The following EMC2 variants were observed in gnomAD, a reference collection of about 807,000 sequenced individuals.
EMC2 encodes the protein ER membrane protein complex subunit 2.
A neutral mutation model predicts 51.6 loss-of-function variants in EMC2; 37 were observed. The observed-to-expected ratio is 0.72, with a 90% confidence interval of 0.55 to 0.94. The LOEUF (loss-of-function observed/expected upper bound fraction) is 0.94. EMC2 is among the 40% of genes least tolerant of loss of function. The pLI is 0.00. For synonymous variants in EMC2, 131 were observed against 112.4 expected, an observed-to-expected ratio of 1.17 and a Z score of -1.04; for missense variants, 359 against 350.9, an observed-to-expected ratio of 1.02 and a Z score of -0.18.
chr8:108,469,986 A>AT (rs1810820593), intron 6 of EMC2, 75 bp downstream of exon 6: 1 of 1,541,658 alleles, frequency 6.5e-7, no homozygotes. Context: ...TTTGCATTTG[A>AT]TTTTCCTGTT....
intron 9 of EMC2, among the ~76,000 whole-genome samples, chr8:108,477,596 A>G (rs1810969629): frequency 6.6e-6 from 1 of 152,046 alleles, no homozygotes; most frequent in Admixed American, 6.6e-5. Context: ...AGAAATGGAA[A>G]TAGGAAGAAA....
At chr8:108,476,041 C>A in intron 8 of EMC2, 78 bp downstream of exon 8, 1 of 749,566 alleles carries the variant, frequency 1.3e-6, no homozygotes, top group South Asian at 1.8e-5. Context: ...AGAATATTTC[C>A]TTGATGTTAA....
chr8:108,452,938 C>T, intron 3 of EMC2, 124 bp from the exon 4 acceptor site: 1 of 466,140 alleles, frequency 2.1e-6, no homozygotes, highest in Non-Finnish European at 3.9e-6. Context: ...ATTAATTTCA[C>T]TTCATGTTAT....
At chr8:108,455,960 C>G in intron 5 of EMC2, 30 bp downstream of exon 5, 1 of 1,087,280 alleles carries the variant, frequency 9.2e-7, no homozygotes, top group South Asian at 1.8e-5. Flanking sequence ...TGAAAAAAAT[C>G]TAAAGTTTAA....
intron 10 of EMC2, among the ~76,000 whole-genome samples, chr8:108,485,954 C>T (rs1811130115): frequency 1.3e-5 from 2 of 151,700 alleles, no homozygotes; most frequent in Admixed American, 1.3e-4. Context: ...TTTTACTTGA[C>T]AGCTCTTTGC....
chr8:108,455,853 T>C lies in EMC2; in HGVS notation c.306-20T>C, dbSNP rs751622384. The C allele has an allele frequency of 3.2e-6, 3 of 925,590 alleles. No individual in the cohort carries two copies. In the African/African-American group the frequency reaches 5.2e-5, roughly 16 times the overall value. 57.3% of individuals were successfully genotyped at this position (925,590 alleles called of 1,614,324 possible). A position where few individuals can be genotyped will look rare whatever the true frequency, so the allele number is the denominator to read the frequency against. On this transcript the variant is annotated intron_variant, in intron 4 of 10. Transcript: ENST00000220853. ...TTTTTAAGGTAATAATTGTAGATGTTTCTTTTTCTTTTTAAATAGATATGA... is the reference window on the plus strand; with the variant it reads ...TTTTTAAGGTAATAATTGTAGATGTCTCTTTTTCTTTTTAAATAGATATGA...
Position 108,488,151 on chromosome 8 carries a change from T to A in EMC2, c.*1553T>A, listed in dbSNP as rs2130429796. Among the ~76,000 whole-genome samples the A allele has an allele frequency of 6.7e-6, 1 of 148,950 alleles. No individual in the cohort carries two copies. Among genetic ancestry groups the A allele is most frequent in the African/African-American group, 2.5e-5 (1 of 40,360 alleles). On this transcript the variant is annotated 3_prime_UTR_variant, in exon 11 of 11. Transcript: ENST00000220853. ...AGTAATTCAGTGCCTCTTATAGCTG[T>A]CTGCCTTAGTTTCACTTTTTTTTTT...
At chr8:108,462,028 T>C (rs796546130) in intron 5 of EMC2, among the ~76,000 whole-genome samples, 7 of 152,262 alleles carry the variant, frequency 4.6e-5, no homozygotes, top group African/African-American at 1.7e-4. Flanking sequence ...AGGATGGTCT[T>C]GATCTCTTGA....
chr8:108,465,555 G>A (rs757899424), intron 5 of EMC2, among the ~76,000 whole-genome samples: 1 of 152,164 alleles, frequency 6.6e-6, no homozygotes, highest in Non-Finnish European at 1.5e-5. Context: ...ATTTACTTTT[G>A]AATAATGGAG....
intron 4 of EMC2, among the ~76,000 whole-genome samples, chr8:108,454,822 A>G (rs988033863): frequency 1.3e-5 from 2 of 152,054 alleles, no homozygotes; most frequent in Admixed American, 1.3e-4. Context: ...TCTCTGTCAC[A>G]TTTAATGGGC....
intron 10 of EMC2, among the ~76,000 whole-genome samples, chr8:108,483,391 C>T (rs1323629685): frequency 1.3e-5 from 2 of 152,164 alleles, no homozygotes; most frequent in Admixed American, 1.3e-4. Flanking sequence ...TGCAGTCAAC[C>T]TCATCCCCCA....
chr8:108,486,252 G>C (rs1811135825), intron 10 of EMC2, among the ~76,000 whole-genome samples: 1 of 151,652 alleles, frequency 6.6e-6, no homozygotes, highest in Non-Finnish European at 1.5e-5. Flanking sequence ...TGATTTTATG[G>C]GTTATTATAT....
intron 5 of EMC2, among the ~76,000 whole-genome samples, chr8:108,469,466 A>T (rs1810807126): frequency 6.6e-6 from 1 of 152,128 alleles, no homozygotes; most frequent in Non-Finnish European, 1.5e-5. Flanking sequence ...CCTAATCTCC[A>T]CTGTTCCTCC....
intron 1 of EMC2, among the ~76,000 whole-genome samples, chr8:108,445,867 A>G (rs961236328): frequency 4.6e-5 from 7 of 152,220 alleles, no homozygotes; most frequent in African/African-American, 1.7e-4. Flanking sequence ...GTCAGAAAAG[A>G]TTATAAGCCA....
chr8:108,461,841 T>A (rs978165357), intron 5 of EMC2, among the ~76,000 whole-genome samples: 19 of 152,236 alleles, frequency 1.2e-4, no homozygotes, highest in Non-Finnish European at 2.2e-4. Flanking sequence ...ACTTTTTTTT[T>A]ATTTTGAGAT....
rs753863922 is a variant in EMC2 at position 108,488,837 on chromosome 8, T to C, written c.*2239T>C. Among the ~76,000 whole-genome samples the C allele has an allele frequency of 3.1e-4, 47 of 152,216 alleles. No homozygotes were observed. The highest frequency in any genetic ancestry group is 6.2e-4 in the Non-Finnish European group (42 of 68,048). ...TCTATTGTGGTAGCTACTAACCATATGTGATATTGAGTACTTGATATGTGA... is the reference window on the plus strand; with the variant it reads ...TCTATTGTGGTAGCTACTAACCATACGTGATATTGAGTACTTGATATGTGA... On this transcript the variant is annotated 3_prime_UTR_variant, in exon 11 of 11. Coordinates refer to ENST00000220853, the MANE Select transcript of EMC2 (RefSeq NM_014673.5).
intron 10 of EMC2, among the ~76,000 whole-genome samples, chr8:108,483,070 T>C (rs909032402): frequency 2.0e-5 from 3 of 152,100 alleles, no homozygotes; most frequent in Non-Finnish European, 4.4e-5. Context: ...GACTCTGATA[T>C]AATTATTAGC....
At chr8:108,463,415 A>G (rs1271079908) in intron 5 of EMC2, among the ~76,000 whole-genome samples, 1 of 152,070 alleles carries the variant, frequency 6.6e-6, no homozygotes, top group African/African-American at 2.4e-5. Flanking sequence ...GCGTTTTGAA[A>G]ATGATTGACT....
intron 5 of EMC2, among the ~76,000 whole-genome samples, chr8:108,462,547 A>C (rs1819355131): frequency 6.6e-6 from 1 of 152,054 alleles, no homozygotes; most frequent in Non-Finnish European, 1.5e-5. Flanking sequence ...GATTGATGTT[A>C]CAAATTTCCT....
Sources: allele counts gnomAD v4.1 joint callset (sites outside exome capture counted in the v4.1 genomes callset), GRCh38; gene constraint gnomAD v4.1.1; transcripts MANE v1.5; gene names NCBI Gene and HGNC (gene_info 2026-07-23, HGNC 2026-07-21).